The following RFX4 variants were observed in gnomAD, a reference collection of about 807,000 sequenced individuals.
RFX4 encodes the protein regulatory factor X4, also known as transcription factor RFX4.
In RFX4, 10 loss-of-function variants were observed where a neutral mutation model predicts 95.0. The observed-to-expected ratio is 0.11, with a 90% CI of 0.06 to 0.18. The LOEUF is 0.18. Among genes scored for constraint, RFX4 ranks in the 10% least tolerant of loss-of-function variants. The probability of loss-of-function intolerance (pLI) is 1.00; values close to 1 mark genes in which losing one functional copy is unlikely to be tolerated. For synonymous variants in RFX4, 321 were observed against 340.7 expected (o/e 0.94, Z 0.64); for missense variants, 640 against 922.0 (o/e 0.69, Z 3.96).
chr12:106,600,743 C>T (rs969177391), intron 1 of RFX4, among the ~76,000 whole-genome samples: 2 of 152,142 alleles, frequency 1.3e-5, no homozygotes, highest in African/African-American at 4.8e-5. Context: ...GCTCTCCCCA[C>T]CTCCCGCTTC....
At chr12:106,700,429 C>T (rs1419704439) in intron 8 of RFX4, among the ~76,000 whole-genome samples, 18 of 117,572 alleles carry the variant, frequency 1.5e-4, no homozygotes, top group Admixed American at 4.2e-4. Flanking sequence ...TTTTTTGAGA[C>T]GGAGTCTCGC....
intron 13 of RFX4, among the ~76,000 whole-genome samples, chr12:106,729,922 A>G (rs565411914): frequency 4.6e-5 from 7 of 152,334 alleles, no homozygotes; most frequent in Admixed American, 4.6e-4. Flanking sequence ...GTTTAGTTTT[A>G]GAGACTGCAT....
intron 4 of RFX4, among the ~76,000 whole-genome samples, chr12:106,660,128 T>A (rs1032733922): frequency 3.9e-5 from 6 of 152,116 alleles, no homozygotes; most frequent in Admixed American, 1.3e-4. Context: ...TTCATTTATC[T>A]CATGTCTGTG....
At chr12:106,648,100 C>T (rs954764080) in intron 3 of RFX4, among the ~76,000 whole-genome samples, 10 of 152,194 alleles carry the variant, frequency 6.6e-5, no homozygotes, top group African/African-American at 2.2e-4. Context: ...ACCACTGCAG[C>T]ACTCTACATG....
At chr12:106,592,428 G>A (rs1316547578) in intron 1 of RFX4, among the ~76,000 whole-genome samples, 1 of 152,144 alleles carries the variant, frequency 6.6e-6, no homozygotes, top group Non-Finnish European at 1.5e-5. Context: ...AAAGGAAGTG[G>A]AAAATGTGTC....
intron 2 of RFX4, among the ~76,000 whole-genome samples, chr12:106,636,023 T>C (rs1427568239): frequency 6.6e-6 from 1 of 152,174 alleles, no homozygotes; most frequent in East Asian, 1.9e-4. Flanking sequence ...CACTTAAGTA[T>C]TTAAATACTA....
intron 1 of RFX4, among the ~76,000 whole-genome samples, chr12:106,597,605 A>G (rs759503570): frequency 2.3e-4 from 35 of 152,252 alleles, no homozygotes; most frequent in Non-Finnish European, 4.8e-4. Flanking sequence ...AAGGAGGTTG[A>G]GTCCCTTGCC....
chr12:106,695,972 C>A (rs899989537), intron 7 of RFX4, among the ~76,000 whole-genome samples: 1 of 152,190 alleles, frequency 6.6e-6, no homozygotes, highest in African/African-American at 2.4e-5. Context: ...TAAACTCTTC[C>A]CAGACCTCAG....
chr12:106,717,414 C>T (rs1270117222), intron 11 of RFX4, among the ~76,000 whole-genome samples: 1 of 152,198 alleles, frequency 6.6e-6, no homozygotes, highest in African/African-American at 2.4e-5. Context: ...AGGCTCTGAG[C>T]CTTTGCTGGA....
intron 15 of RFX4, among the ~76,000 whole-genome samples, chr12:106,746,392 C>A (rs992638887): frequency 2.0e-4 from 30 of 150,344 alleles, no homozygotes; most frequent in African/African-American, 5.6e-4. Context: ...ATTAGCTGGG[C>A]ATGGTGGTAC....
intron 3 of RFX4, among the ~76,000 whole-genome samples, chr12:106,647,238 G>T (rs1044627279): frequency 1.1e-4 from 17 of 152,162 alleles, no homozygotes; most frequent in Non-Finnish European, 2.2e-4. Context: ...CCAAATGAAT[G>T]TCAGTCTCTG....
chr12:106,755,656 T>A (rs1367650341), intron 17 of RFX4, among the ~76,000 whole-genome samples: 2 of 152,188 alleles, frequency 1.3e-5, no homozygotes, highest in Non-Finnish European at 2.9e-5. Context: ...GTTTATTGGT[T>A]CTTTGGTTTA....
At chr12:106,656,592 G>A (rs2040962269) in intron 4 of RFX4, among the ~76,000 whole-genome samples, 1 of 152,104 alleles carries the variant, frequency 6.6e-6, no homozygotes, top group Non-Finnish European at 1.5e-5. Context: ...CTTCACCACA[G>A]TGGGGGCTTA....
intron 1 of RFX4, among the ~76,000 whole-genome samples, chr12:106,591,056 C>T (rs1285364377): frequency 6.6e-6 from 1 of 152,018 alleles, no homozygotes; most frequent in East Asian, 1.9e-4. Flanking sequence ...AGGATTTGAG[C>T]GGAGGGCCCA....
chr12:106,707,994 C>T (rs1209823869), intron 8 of RFX4, among the ~76,000 whole-genome samples: 2 of 152,028 alleles, frequency 1.3e-5, no homozygotes, highest in Non-Finnish European at 2.9e-5. Flanking sequence ...ATTAGCTGAG[C>T]GTGGTGGTGT....
intron 7 of RFX4, 22 bp from the exon 8 acceptor site, chr12:106,696,261 T>A: frequency 6.2e-7 from 1 of 1,613,698 alleles, no homozygotes; most frequent in Non-Finnish European, 8.5e-7. Context: ...CTCATGATTC[T>A]TCTCTCTGTG....
chr12:106,687,182 T>A (rs111437768), intron 6 of RFX4, 85 bp downstream of exon 6: 820 of 545,842 alleles, frequency 1.5e-3, no homozygotes, highest in African/African-American at 4.0e-3. Context: ...TCTCTCTCTC[T>A]CACACACACA....
At chr12:106,683,095 C>T (rs1475381324) in intron 5 of RFX4, 1 of 152,088 alleles carries the variant, frequency 6.6e-6, no homozygotes, top group Non-Finnish European at 1.5e-5. Context: ...ACATAGTGAC[C>T]TATAAAACAC....
intron 15 of RFX4, among the ~76,000 whole-genome samples, chr12:106,738,537 T>C (rs552917052): frequency 6.6e-6 from 1 of 152,352 alleles, no homozygotes. Flanking sequence ...TCAAGAGCCA[T>C]AAACGTAGCT....
Sources: gnomAD v4.1 joint callset for allele counts (sites outside exome capture counted in the v4.1 genomes callset) on GRCh38, gnomAD v4.1.1 for gene constraint, MANE v1.5 for transcripts, NCBI Gene and HGNC (gene_info 2026-07-23, HGNC 2026-07-21) for gene names.